Variants in DDX19A observed in about 807,000 individuals in gnomAD.
The protein encoded by DDX19A is ATP-dependent RNA helicase DDX19A.
A neutral mutation model predicts 60.6 loss-of-function variants in DDX19A; 12 were observed. The ratio of observed to expected loss-of-function variants is 0.20; its 90% confidence interval spans 0.13 to 0.32. The LOEUF (loss-of-function observed/expected upper bound fraction) is 0.32. DDX19A is among the 10% of genes least tolerant of loss of function. The probability of loss-of-function intolerance (pLI) is 1.00; values close to 1 mark genes in which losing one functional copy is unlikely to be tolerated. For missense variants in DDX19A, 337 were observed against 600.6 expected (o/e 0.56, Z 4.59); for synonymous variants, 206 against 218.2 (o/e 0.94, Z 0.49).
chr16:70,366,443 AAGG>A, intron 8 of DDX19A, 178 bp from the exon 9 acceptor site: 1 of 1,238,044 alleles, frequency 8.1e-7, no homozygotes, highest in African/African-American at 1.5e-5. Context: ...TGGGTTGAGA[AAGG>A]AGACCTAGGG....
intron 4 of DDX19A, among the ~76,000 whole-genome samples, chr16:70,359,938 C>A (rs1597531606): frequency 6.6e-6 from 1 of 152,110 alleles, no homozygotes; most frequent in East Asian, 1.9e-4. Flanking sequence ...GTTAATCGAA[C>A]CACCTTTATT....
chr16:70,371,028 C>A (rs1196380373), intron 10 of DDX19A: 7 of 398,676 alleles, frequency 1.8e-5, no homozygotes, highest in Non-Finnish European at 3.1e-5. Flanking sequence ...AAAAGGAACT[C>A]CCGCAGAAAC....
chr16:70,363,373 G>T (rs1301277809), intron 5 of DDX19A: 1 of 152,162 alleles, frequency 6.6e-6, no homozygotes, highest in Non-Finnish European at 1.5e-5. Context: ...GTCTCGCTCT[G>T]TTGCCCAGGC....
In DDX19A at chr16:70,370,207, G is replaced by T. The variant is rs766764627; in HGVS notation, c.1021-16G>T. On this transcript the variant is annotated splice_polypyrimidine_tract_variant and intron_variant, in intron 9 of 11. Coordinates refer to ENST00000302243, the MANE Select transcript of DDX19A (RefSeq NM_018332.5). ...ACTCAAATACTTTCATTTCTCAATTGTTTTTTTTCTTCCAGACTCGCAAAA... is the reference window on the plus strand; with the variant it reads ...ACTCAAATACTTTCATTTCTCAATTTTTTTTTTTCTTCCAGACTCGCAAAA... 3.1e-6 allele frequency: 5 copies of T among 1,603,706 alleles called. No individual in the cohort carries two copies. Among genetic ancestry groups the T allele is most frequent in the Admixed American group, 1.8e-5 (1 of 56,076 alleles).
chr16:70,364,832 G>A, intron 6 of DDX19A, 185 bp from the exon 7 acceptor site: 2 of 668,720 alleles, frequency 3.0e-6, no homozygotes, highest in Middle Eastern at 3.8e-4. Context: ...ACCATGGCTT[G>A]CAAAGGCCTC....
rs574238353 is a variant in DDX19A at position 70,370,544 on chromosome 16, G to C, written c.1183+159G>C. On this transcript the variant is annotated intron_variant, in intron 10 of 11. Coordinates refer to ENST00000302243, the MANE Select transcript of DDX19A (RefSeq NM_018332.5). ...TAGGAGAGACTGTTTGGATTTCCCT[G>C]AGGTGGTAAGAACTCACACATGCCA... 84 of 1,234,644 alleles carry C rather than the reference G, an allele frequency of 6.8e-5. No individual in the cohort carries two copies. In the African/African-American group the frequency reaches 7.2e-4, roughly 11 times the overall value. The allele number at this position is 1,234,644 out of a possible 1,614,324, so 76.5% of individuals were successfully genotyped here.
At position 70,372,586 on chromosome 16, in the gene DDX19A, A is replaced by G. The variant is rs2047293130; in HGVS notation, c.*600A>G. The G allele has an allele frequency of 6.5e-6, 1 of 155,032 alleles. No homozygotes were observed. The highest frequency in any genetic ancestry group is 1.4e-5 in the Non-Finnish European group (1 of 70,000). 9.6% of individuals were successfully genotyped at this position (155,032 alleles called of 1,614,324 possible). A position where few individuals can be genotyped will look rare whatever the true frequency, so the allele number is the denominator to read the frequency against. ...CAGAAAGCAGACTTGCATATCCCTG[A>G]TGAGCAGCTCGGCTACTTTTGTAAA... is the stretch of plus-strand genomic sequence containing the variant. On this transcript the variant is annotated 3_prime_UTR_variant, in exon 12 of 12. Coordinates refer to ENST00000302243, the MANE Select transcript of DDX19A (RefSeq NM_018332.5).
intron 7 of DDX19A, 34 bp downstream of exon 7, chr16:70,365,165 AG>A: frequency 6.9e-7 from 1 of 1,459,204 alleles, no homozygotes; most frequent in Non-Finnish European, 9.6e-7. Flanking sequence ...AACAGTGAGC[AG>A]GGTAGGGGGT....
chr16:70,352,131 C>G (rs557669423), intron 2 of DDX19A, among the ~76,000 whole-genome samples: 4 of 152,082 alleles, frequency 2.6e-5, no homozygotes, highest in Non-Finnish European at 5.9e-5. Flanking sequence ...AATATTCTTC[C>G]AAAGACTTTA....
rs71151183 is a variant in DDX19A at position 70,357,366 on chromosome 16, G to GTTTTTTTTTTTTTTTTTTTTTTTTTTT, written c.293+1129_293+1155dup. On this transcript the variant is annotated intron_variant, in intron 4 of 11. Coordinates refer to ENST00000302243, the MANE Select transcript of DDX19A (RefSeq NM_018332.5). The stretch of plus-strand genomic sequence containing the variant: ...AATCTGTCAAATCTGTTTTTGGTTT[G>GTTTTTTTTTTTTTTTTTTTTTTTTTTT]TTTTTTTTTTTTTTTTTTTTTTTTT... 6.3e-4 allele frequency among the ~76,000 whole-genome samples: 28 copies of GTTTTTTTTTTTTTTTTTTTTTTTTTTT among 44,580 alleles called. 12 individuals are homozygous for GTTTTTTTTTTTTTTTTTTTTTTTTTTT. The highest frequency in any genetic ancestry group is 1.8e-3 in the African/African-American group (20 of 11,256). 29.2% of individuals were successfully genotyped at this position (44,580 alleles called of 152,430 possible).
chr16:70,361,758 CG>C, intron 5 of DDX19A: 1 of 342,982 alleles, frequency 2.9e-6, no homozygotes, highest in South Asian at 3.7e-5. Flanking sequence ...GGCTTAAGGC[CG>C]GGCATGGTGG....
chr16:70,347,125 C>T (rs1167190906), intron 1 of DDX19A, 77 bp downstream of exon 1: 7 of 1,469,054 alleles, frequency 4.8e-6, no homozygotes, highest in East Asian at 2.4e-5. Context: ...GGGAGCTCCC[C>T]GGGTTGGGGA....
At chr16:70,360,735 G>A (rs1229873174) in intron 4 of DDX19A, 1 of 152,232 alleles carries the variant, frequency 6.6e-6, no homozygotes, top group Non-Finnish European at 1.5e-5. Context: ...AATCTTAGCA[G>A]TATAGTAAAT....
chr16:70,349,929 C>T (rs1309682174), intron 1 of DDX19A, among the ~76,000 whole-genome samples: 3 of 152,134 alleles, frequency 2.0e-5, no homozygotes, highest in Non-Finnish European at 4.4e-5. Context: ...GACTTGTGTA[C>T]CTTCACTTAA....
In DDX19A at chr16:70,371,996, C is replaced by T. The variant is rs1160468641; in HGVS notation, c.*10C>T. ...GAAAATAGCCAACTGAGAAGCTCCA[C>T]CAGCCACTGATGCCAGCCCTGGCAC... On this transcript the variant is annotated 3_prime_UTR_variant, in exon 12 of 12. Transcript: ENST00000302243. The T allele has an allele frequency of 6.2e-7, 1 of 1,613,956 alleles. No individual in the cohort carries two copies. The highest frequency in any genetic ancestry group is 8.5e-7 in the Non-Finnish European group (1 of 1,179,860).
Position 70,355,509 on chromosome 16 carries a change from C to T in DDX19A, c.131C>T (p.Ala44Val), listed in dbSNP as rs1345712706. Residue 44 changes from alanine (A) to valine (V), a missense_variant, in exon 3 of 12, where the codon GCC becomes GTC. This residue lies in a region of DDX19A where 127 missense variants were observed against 160.3 expected (regional missense o/e 0.79). Transcript: ENST00000302243. The stretch of plus-strand genomic sequence containing the variant: ...GGTATTATCAAAACCAGTACCACTG[C>T]CGAGAAAACAGATGAAGAGGAGAAA... ...TNGIIKTSTT[A>V]EKTDEEEKED... 1.9e-6 allele frequency: 3 copies of T among 1,613,790 alleles called. No individual in the cohort carries two copies. The highest frequency in any genetic ancestry group is 2.5e-6 in the Non-Finnish European group (3 of 1,179,844).
rs34056109 is a variant in DDX19A at position 70,371,745 on chromosome 16, G to A, written c.1376-180G>A. Among the ~76,000 whole-genome samples, 397 of 152,230 alleles carry A rather than the reference G, an allele frequency of 2.6e-3. 6 individuals are homozygous for A. The highest frequency in any genetic ancestry group is 5.0e-3 in the African/African-American group (206 of 41,552). On this transcript the variant is annotated intron_variant, in intron 11 of 11. Coordinates refer to ENST00000302243, the MANE Select transcript of DDX19A (RefSeq NM_018332.5). ...GACTTCAGGACCCAGGGACTCCAAG[G>A]ACAGCTCCCCTGTGACTGGGCTTCG...
Position 70,350,592 on chromosome 16 carries a change from A to G in DDX19A, c.93A>G (p.Lys31=), listed in dbSNP as rs563794899. Residue 31 remains lysine (K), a synonymous_variant, in exon 2 of 12, where the codon AAA becomes AAG. Coordinates refer to ENST00000302243, the MANE Select transcript of DDX19A (RefSeq NM_018332.5). ...TNLQIKEEKV[K]ADTNGIIKTS... is the part of the protein sequence containing the mutation. The stretch of plus-strand genomic sequence containing the variant: ...TGCAGATCAAGGAAGAGAAAGTCAA[A>G]GCAGATACCAATGGTGAGTCACTAG... The G allele has an allele frequency of 2.5e-6, 4 of 1,612,328 alleles. No homozygotes were observed. The highest frequency in any genetic ancestry group is 3.4e-5 in the Admixed American group (2 of 59,636).
Position 70,349,665 on chromosome 16 carries a change from C to T in DDX19A, c.58-892C>T, listed in dbSNP as rs554079359. Among the ~76,000 whole-genome samples, 20 of 152,318 alleles carry T rather than the reference C, an allele frequency of 1.3e-4. No homozygotes were observed. The Middle Eastern group carries it at 0.01, about 78-fold the overall frequency. ...CAGTTTCCACAAAGAAATTACAAAG[C>T]ATTATCAAGGGCATGGTCCTTGCAC... On this transcript the variant is annotated intron_variant, in intron 1 of 11. Coordinates refer to ENST00000302243, the MANE Select transcript of DDX19A (RefSeq NM_018332.5).
Sources: allele counts gnomAD v4.1 joint callset (sites outside exome capture counted in the v4.1 genomes callset), GRCh38; gene constraint gnomAD v4.1.1; regional missense constraint gnomAD v4.1.1; transcripts MANE v1.5; gene names NCBI Gene and HGNC (gene_info 2026-07-23, HGNC 2026-07-21).